LRP1B: variants seen among roughly 807,000 people sequenced by gnomAD.
The protein encoded by LRP1B is LDL receptor related protein 1B.
In LRP1B, 217 loss-of-function variants were observed where a neutral mutation model predicts 556.6. The observed-to-expected ratio is 0.39, with a 90% CI of 0.35 to 0.44. The LOEUF is 0.44. Among genes scored for constraint, LRP1B ranks in the 20% least tolerant of loss-of-function variants. The pLI is 1.00. For missense variants in LRP1B, 5,053 were observed against 5,620.8 expected (o/e 0.90, Z 3.23); for synonymous variants, 2,047 against 1,865.8 (o/e 1.10, Z -2.50).
At chr2:140,898,700 T>C (rs1694018707) in intron 23 of LRP1B, 2 of 488,472 alleles carry the variant, frequency 4.1e-6, no homozygotes, top group Admixed American at 4.7e-5. Context: ...TACGCCTAAA[T>C]GGCAGTCACC....
chr2:140,804,823 A>C (rs552327726), intron 32 of LRP1B, among the ~76,000 whole-genome samples: 6 of 152,062 alleles, frequency 3.9e-5, no homozygotes, highest in Non-Finnish European at 7.4e-5. Context: ...GCAACTGAAC[A>C]TGACATTCTC....
chr2:140,897,438 T>G (rs2105213577), intron 23 of LRP1B, among the ~76,000 whole-genome samples: 1 of 152,272 alleles, frequency 6.6e-6, no homozygotes, highest in African/African-American at 2.4e-5. Context: ...CTAAAAATAT[T>G]ATTCTAACCT....
chr2:140,234,074 T>C lies in LRP1B; in HGVS notation c.13659+712A>G, dbSNP rs114637276. On this transcript the variant is annotated intron_variant, in intron 90 of 90. Transcript: ENST00000389484. ...CCTAGTGTTTGTTTTCCTTATTTTT[T>C]GTTTCGTCTTTCCAAAAACAGTACA... Among the ~76,000 whole-genome samples the C allele has an allele frequency of 4.3e-3, 655 of 151,422 alleles. 5 individuals carry two copies. The highest frequency in any genetic ancestry group is 0.015 in the African/African-American group (607 of 41,464).
intron 1 of LRP1B, among the ~76,000 whole-genome samples, chr2:142,059,680 A>G (rs540138071): frequency 2.0e-5 from 3 of 152,208 alleles, no homozygotes; most frequent in African/African-American, 7.2e-5. Flanking sequence ...TACCTTGCTA[A>G]GAAATGACTG....
chr2:140,491,623 CTATT>C (rs1688704546), intron 57 of LRP1B, among the ~76,000 whole-genome samples: 1 of 151,894 alleles, frequency 6.6e-6, no homozygotes, highest in Non-Finnish European at 1.5e-5. Context: ...AACTAGGAAA[CTATT>C]TGGGCAGCAA....
At chr2:141,098,351 C>T (rs755642328) in intron 7 of LRP1B, among the ~76,000 whole-genome samples, 4 of 152,156 alleles carry the variant, frequency 2.6e-5, no homozygotes, top group Non-Finnish European at 4.4e-5. Flanking sequence ...TTTGTAAATA[C>T]TAAAGTGCTT....
intron 1 of LRP1B, among the ~76,000 whole-genome samples, chr2:141,921,879 G>C (rs569644470): frequency 6.6e-6 from 1 of 151,802 alleles, no homozygotes; most frequent in South Asian, 2.1e-4. Context: ...CACACTTAAG[G>C]GTTTCAGAGT....
Position 141,605,219 on chromosome 2 carries a change from TA to T in LRP1B, c.206-124687del, listed in dbSNP as rs1687877039. On this transcript the variant is annotated intron_variant, in intron 2 of 90. Coordinates refer to ENST00000389484, the MANE Select transcript of LRP1B (RefSeq NM_018557.3). ...AGCCTGTTTTGTATGACACTTGAGATAACAATGGTTTTGTATTTTTAAAGGG... is the reference window on the plus strand; with the variant it reads ...AGCCTGTTTTGTATGACACTTGAGATACAATGGTTTTGTATTTTTAAAGGG... Among the ~76,000 whole-genome samples the T allele has an allele frequency of 3.3e-5, 5 of 152,116 alleles. No individual in the cohort carries two copies. The South Asian group carries it at 1.0e-3, about 32-fold the overall frequency.
At chr2:141,640,236 T>C (rs1689281509) in intron 2 of LRP1B, among the ~76,000 whole-genome samples, 1 of 152,174 alleles carries the variant, frequency 6.6e-6, no homozygotes, top group Non-Finnish European at 1.5e-5. Context: ...CGTAAAACTA[T>C]CAAGTGTTGC....
At chr2:141,886,370 T>C (rs1699113113) in intron 1 of LRP1B, among the ~76,000 whole-genome samples, 1 of 152,324 alleles carries the variant, frequency 6.6e-6, no homozygotes, top group Non-Finnish European at 1.5e-5. Flanking sequence ...CTCATGATTT[T>C]CTGAGATGCA....
chr2:141,763,012 A>G (rs561788494), intron 2 of LRP1B, among the ~76,000 whole-genome samples: 1 of 152,328 alleles, frequency 6.6e-6, no homozygotes, highest in African/African-American at 2.4e-5. Context: ...CAAGTTGTAA[A>G]GCAAATTATC....
At chr2:140,778,529 G>A (rs1212627336) in intron 32 of LRP1B, among the ~76,000 whole-genome samples, 1 of 151,814 alleles carries the variant, frequency 6.6e-6, no homozygotes, top group East Asian at 1.9e-4. Context: ...GTCTACACTG[G>A]GAAGATATAC....
In LRP1B at chr2:140,526,526, A is replaced by G. The variant is rs572905157; in HGVS notation, c.7763-176T>C. ...CAAGCGTGGGTTAGATGCCTCTTAT[A>G]TGTCTTCCCCTATCACACAATTCTT... On this transcript the variant is annotated intron_variant, in intron 47 of 90. Coordinates refer to ENST00000389484, the MANE Select transcript of LRP1B (RefSeq NM_018557.3). 1.1e-3 allele frequency among the ~76,000 whole-genome samples: 171 copies of G among 151,546 alleles called. 1 individual carries two copies. The highest frequency in any genetic ancestry group is 4.1e-3 in the African/African-American group (169 of 41,188).
intron 2 of LRP1B, among the ~76,000 whole-genome samples, chr2:141,776,954 C>A (rs560344941): frequency 6.6e-6 from 1 of 152,226 alleles, no homozygotes; most frequent in East Asian, 1.9e-4. Context: ...AAGAATCTAA[C>A]TACATTGTTT....
intron 35 of LRP1B, among the ~76,000 whole-genome samples, chr2:140,719,165 G>T (rs1687314764): frequency 6.6e-6 from 1 of 151,990 alleles, no homozygotes; most frequent in Admixed American, 6.6e-5. Flanking sequence ...CACATAATAA[G>T]CTCAAAGTAA....
intron 1 of LRP1B, among the ~76,000 whole-genome samples, chr2:141,997,727 T>G (rs1167172193): frequency 6.6e-6 from 1 of 151,686 alleles, no homozygotes; most frequent in Admixed American, 6.6e-5. Flanking sequence ...TACTTTATTC[T>G]TCTCAGTTGA....
At chr2:141,418,432 A>ATTTTTTTTTTTTTTTT (rs373970330) in intron 3 of LRP1B, among the ~76,000 whole-genome samples, 1 of 140,892 alleles carries the variant, frequency 7.1e-6, no homozygotes, top group African/African-American at 2.6e-5. Context: ...AGAGCACAAT[A>ATTTTTTTTTTTTTTTT]TTTTTTTTTT....
At chr2:140,303,073 A>C (rs1008423818) in intron 83 of LRP1B, among the ~76,000 whole-genome samples, 5 of 145,884 alleles carry the variant, frequency 3.4e-5, no homozygotes, top group African/African-American at 1.3e-4. Flanking sequence ...ACACACATAT[A>C]TATCGGTTCT....
intron 2 of LRP1B, among the ~76,000 whole-genome samples, chr2:141,508,889 C>A (rs933031235): frequency 9.2e-5 from 14 of 152,078 alleles, no homozygotes; most frequent in Non-Finnish European, 2.1e-4. Context: ...ATAATTTGTC[C>A]TGATATAAAG....
Sources: allele counts gnomAD v4.1 joint callset (sites outside exome capture counted in the v4.1 genomes callset), GRCh38; gene constraint gnomAD v4.1.1; transcripts MANE v1.5; gene names NCBI Gene and HGNC (gene_info 2026-07-23, HGNC 2026-07-21).